The following LMCD1 variants were observed in gnomAD, a reference collection of about 807,000 sequenced individuals.
LMCD1 encodes LIM and cysteine-rich domains protein 1.
LMCD1 carries 32 observed loss-of-function variants against 42.7 expected under a neutral mutation model. The ratio of observed to expected loss-of-function variants is 0.75; its 90% CI spans 0.57 to 1.01. The LOEUF (loss-of-function observed/expected upper bound fraction) is 1.01. LMCD1 is among the 50% of genes least tolerant of loss of function. The probability of loss-of-function intolerance (pLI) is 0.00; values close to 1 mark genes in which losing one functional copy is unlikely to be tolerated. For synonymous variants in LMCD1, 178 were observed against 184.9 expected (o/e 0.96, Z 0.30); for missense variants, 458 against 483.1 (o/e 0.95, Z 0.49).
At chr3:8,528,374 C>T (rs9864972) in intron 1 of LMCD1, among the ~76,000 whole-genome samples, 65,489 of 151,532 alleles carry the variant, frequency 0.43, 14,877 homozygotes, top group Non-Finnish European at 0.51. Context: ...TGTTGTTTTC[C>T]TGTAGGGATT....
chr3:8,547,898 A>G (rs1694768501), intron 3 of LMCD1, among the ~76,000 whole-genome samples: 1 of 152,142 alleles, frequency 6.6e-6, no homozygotes, highest in Non-Finnish European at 1.5e-5. Flanking sequence ...AAAAAAAAGA[A>G]AAGAATGCAC....
At chr3:8,513,541 A>G (rs1694040625) in intron 1 of LMCD1, among the ~76,000 whole-genome samples, 1 of 152,146 alleles carries the variant, frequency 6.6e-6, no homozygotes, top group African/African-American at 2.4e-5. Flanking sequence ...CTCCAAACCC[A>G]TGTCATAAAC....
chr3:8,535,598 A>C (rs1694495086), intron 2 of LMCD1, among the ~76,000 whole-genome samples: 1 of 152,204 alleles, frequency 6.6e-6, no homozygotes, highest in East Asian at 1.9e-4. Flanking sequence ...ATGACCACTA[A>C]GCACCAAGCC....
chr3:8,559,449 A>C (rs1389237808), intron 4 of LMCD1, among the ~76,000 whole-genome samples: 1 of 152,230 alleles, frequency 6.6e-6, no homozygotes, highest in East Asian at 1.9e-4. Flanking sequence ...TGCTATCATT[A>C]CTATCGCCAT....
At chr3:8,545,076 G>C (rs948340467) in intron 3 of LMCD1, among the ~76,000 whole-genome samples, 2 of 152,154 alleles carry the variant, frequency 1.3e-5, no homozygotes, top group African/African-American at 4.8e-5. Context: ...CATATTAATG[G>C]GGAAATGTTA....
At chr3:8,511,425 G>T (rs191010710) in intron 1 of LMCD1, among the ~76,000 whole-genome samples, 1 of 152,194 alleles carries the variant, frequency 6.6e-6, no homozygotes, top group Admixed American at 6.5e-5. Context: ...CTCAGAAAAG[G>T]AATAGCCTAA....
At chr3:8,508,335 C>A (rs746535273) in intron 1 of LMCD1, among the ~76,000 whole-genome samples, 1 of 152,064 alleles carries the variant, frequency 6.6e-6, no homozygotes, top group South Asian at 2.1e-4. Flanking sequence ...TGGGCCCCCA[C>A]CGGGACATGC....
chr3:8,552,846 T>C (rs548847172), intron 4 of LMCD1, among the ~76,000 whole-genome samples: 40 of 152,170 alleles, frequency 2.6e-4, no homozygotes, highest in African/African-American at 8.9e-4. Flanking sequence ...GCCTCAGCCT[T>C]CCGAGTAGCT....
At chr3:8,507,422 C>T (rs557116613) in intron 1 of LMCD1, among the ~76,000 whole-genome samples, 5 of 152,246 alleles carry the variant, frequency 3.3e-5, no homozygotes, top group African/African-American at 9.6e-5. Flanking sequence ...TGTGAAACTC[C>T]CAAATCAACT....
intron 3 of LMCD1, among the ~76,000 whole-genome samples, chr3:8,540,702 G>A (rs1216000748): frequency 6.6e-6 from 1 of 152,234 alleles, no homozygotes; most frequent in Non-Finnish European, 1.5e-5. Flanking sequence ...AAGCTGCCAG[G>A]ATTTGGGGGA....
At chr3:8,542,225 C>T (rs1343917941) in intron 3 of LMCD1, among the ~76,000 whole-genome samples, 1 of 152,026 alleles carries the variant, frequency 6.6e-6, no homozygotes, top group Non-Finnish European at 1.5e-5. Context: ...TGGTCTCAAA[C>T]TCCTGACCTC....
In LMCD1 at chr3:8,548,845, A is replaced by G; in HGVS notation, c.665A>G (p.Glu222Gly). The change falls in exon 4 of 6, where the codon GAG becomes GGG. Residue 222 changes from glutamate (E) to glycine (G), a missense_variant. Physicochemically the swap from Glu to Gly is moderately conservative, Grantham distance 98 (BLOSUM62 -2). Coordinates refer to ENST00000157600, the MANE Select transcript of LMCD1 (RefSeq NM_014583.4). ...GKQQEKPEGA[E>G]TTAATTNGSL... ...CAGCAGGAAAAGCCAGAGGGGGCAG[A>G]GACCACTGCTGCTACCACCAACGGC... The G allele has an allele frequency of 6.3e-7, 1 of 1,587,490 alleles. No individual in the cohort carries two copies. Among genetic ancestry groups the G allele is most frequent in the Admixed American group, 1.7e-5 (1 of 58,820 alleles).
At chr3:8,551,007 T>C in intron 4 of LMCD1, 1 of 985,314 alleles carries the variant, frequency 1.0e-6, no homozygotes, top group East Asian at 1.1e-4. Flanking sequence ...TTGGGAAGCA[T>C]TTAAATAGCA....
At chr3:8,543,224 G>A (rs1206416431) in intron 3 of LMCD1, among the ~76,000 whole-genome samples, 1 of 152,162 alleles carries the variant, frequency 6.6e-6, no homozygotes, top group Non-Finnish European at 1.5e-5. Flanking sequence ...TCTCTGCAGG[G>A]CTCTGTGCCT....
Position 8,573,255 on chromosome 3 carries a change from TTTAAG to T in LMCD1, c.*5660_*5664del, listed in dbSNP as rs1412340835. 5 of 152,230 alleles carry T rather than the reference TTTAAG, an allele frequency of 3.3e-5. No individual in the cohort carries two copies. Among genetic ancestry groups the T allele is most frequent in the African/African-American group, 1.2e-4 (5 of 41,456 alleles). The allele number at this position is 152,230 out of a possible 1,614,324, so 9.4% of individuals were successfully genotyped here. A position where few individuals can be genotyped will look rare whatever the true frequency, so the allele number is the denominator to read the frequency against. ...CATTACACTTCCTAGTTTATTTGGA[TTTAAG>T]TTGACAAATAAAAATTGCATATGTT... On this transcript the variant is annotated 3_prime_UTR_variant, in exon 6 of 6. Transcript: ENST00000157600.
intron 1 of LMCD1, among the ~76,000 whole-genome samples, chr3:8,523,946 G>A (rs143878821): frequency 2.8e-3 from 421 of 152,260 alleles, no homozygotes; most frequent in African/African-American, 9.3e-3. Flanking sequence ...GGCAGTTATC[G>A]TATTGGTAAG....
At chr3:8,530,115 G>A (rs1413799367) in intron 1 of LMCD1, among the ~76,000 whole-genome samples, 1 of 152,124 alleles carries the variant, frequency 6.6e-6, no homozygotes, top group African/African-American at 2.4e-5. Context: ...AACGTAGGCT[G>A]GCCTGTTAAA....
intron 3 of LMCD1, among the ~76,000 whole-genome samples, chr3:8,541,603 A>G (rs1390057932): frequency 2.6e-5 from 4 of 152,248 alleles, no homozygotes; most frequent in Non-Finnish European, 1.5e-5. Context: ...ACCTAAACCA[A>G]CCTTTCCAAC....
At chr3:8,543,421 A>AGAT (rs1164938172) in intron 3 of LMCD1, among the ~76,000 whole-genome samples, 1 of 146,496 alleles carries the variant, frequency 6.8e-6, no homozygotes, top group Non-Finnish European at 1.5e-5. Context: ...ATAGATAGAT[A>AGAT]GATAGATAGA....
Sources: gnomAD v4.1 joint callset for allele counts (sites outside exome capture counted in the v4.1 genomes callset) on GRCh38, gnomAD v4.1.1 for gene constraint, MANE v1.5 for transcripts, NCBI Gene and HGNC (gene_info 2026-07-23, HGNC 2026-07-21) for gene names.